TRIP13: variants seen among roughly 807,000 people sequenced by gnomAD.
TRIP13 encodes pachytene checkpoint protein 2 homolog.
A neutral mutation model predicts 54.4 loss-of-function variants in TRIP13; 25 were observed. That is an observed-to-expected ratio of 0.46 (90% CI 0.33 to 0.64). The LOEUF (loss-of-function observed/expected upper bound fraction) is 0.64. Among genes scored for constraint, TRIP13 ranks in the 30% least tolerant of loss-of-function variants. The pLI is 0.02. For synonymous variants in TRIP13, 207 were observed against 207.8 expected, an observed-to-expected ratio of 1.00 and a Z score of 0.03; for missense variants, 373 against 534.2, an observed-to-expected ratio of 0.70 and a Z score of 2.97.
At chr5:904,574 T>G (rs1754068103) in intron 6 of TRIP13, among the ~76,000 whole-genome samples, 1 of 152,210 alleles carries the variant, frequency 6.6e-6, no homozygotes, top group Non-Finnish European at 1.5e-5. Context: ...ACCTGGTCAT[T>G]GTTTCCTCAC....
chr5:909,347 G>A (rs1246636122), intron 9 of TRIP13, among the ~76,000 whole-genome samples: 1 of 152,196 alleles, frequency 6.6e-6, no homozygotes. Context: ...TCTGTGAAAT[G>A]TTCTTTCTGT....
chr5:903,800 G>A (rs1007899270), intron 5 of TRIP13, among the ~76,000 whole-genome samples: 5 of 152,182 alleles, frequency 3.3e-5, no homozygotes, highest in Non-Finnish European at 7.3e-5. Context: ...GAAGAGTGGG[G>A]ACAAGGACAG....
chr5:900,559 T>C lies in TRIP13; in HGVS notation c.444+10T>C, dbSNP rs1461082979. 2 of 1,610,700 alleles carry C rather than the reference T, an allele frequency of 1.2e-6. No individual in the cohort carries two copies. Among genetic ancestry groups the C allele is most frequent in the Non-Finnish European group, 1.7e-6 (2 of 1,179,230 alleles). ...GGAAGTCAAATCCCATGTAAGTTGC[T>C]GTGCCTTTTCCCAGAATGCCCTGTT... is the stretch of plus-strand genomic sequence containing the variant. On this transcript the variant is annotated intron_variant, in intron 4 of 12. Coordinates refer to ENST00000166345, the MANE Select transcript of TRIP13 (RefSeq NM_004237.4).
chr5:895,097 A>G, intron 2 of TRIP13, 145 bp downstream of exon 2: 1 of 812,482 alleles, frequency 1.2e-6, no homozygotes, highest in South Asian at 1.8e-5. Flanking sequence ...TCTTTTCACT[A>G]GCTGTCAGGA....
chr5:901,263 C>A, intron 4 of TRIP13, 78 bp from the exon 5 acceptor site: 1 of 1,356,620 alleles, frequency 7.4e-7, no homozygotes, highest in Non-Finnish European at 1.0e-6. Flanking sequence ...TAGGATTAAG[C>A]CCTGGGGGAG....
At chr5:894,097 G>A (rs1418651489) in intron 1 of TRIP13, among the ~76,000 whole-genome samples, 1 of 152,126 alleles carries the variant, frequency 6.6e-6, no homozygotes, top group Non-Finnish European at 1.5e-5. Context: ...GCTGCTTGTA[G>A]GGTGCTGGGA....
rs544591719 is a variant in TRIP13, at chr5:917,856, G to T, written c.*753G>T. ...AATAACGTTATCACATTTCTAATGA[G>T]GATTCACATTAATATAATATAAAAT... On this transcript the variant is annotated 3_prime_UTR_variant, in exon 13 of 13. Coordinates refer to ENST00000166345, the MANE Select transcript of TRIP13 (RefSeq NM_004237.4). 3.3e-5 allele frequency: 5 copies of T among 152,176 alleles called. No homozygotes were observed. The highest frequency in any genetic ancestry group is 4.1e-4 in the South Asian group (2 of 4,820). 9.4% of individuals were successfully genotyped at this position (152,176 alleles called of 1,614,324 possible).
At chr5:918,927 TCTC>T (rs1754382155), downstream of TRIP13, 1 of 152,156 alleles carries the variant, frequency 6.6e-6, no homozygotes, top group Non-Finnish European at 1.5e-5. This position sits in a 1 kb window ranked among gnomAD's most constrained non-coding sequence, Gnocchi z 4.3. Flanking sequence ...CAAATGTTAA[TCTC>T]CTTTGACAAC....
At position 912,018 on chromosome 5, in the gene TRIP13, T is replaced by C; in HGVS notation, c.1020+22T>C. 1 of 1,595,850 alleles carries C rather than the reference T, an allele frequency of 6.3e-7. No individual in the cohort carries two copies. The highest frequency in any genetic ancestry group is 2.2e-5 in the East Asian group (1 of 44,758). On this transcript the variant is annotated intron_variant, in intron 10 of 12. Coordinates refer to ENST00000166345, the MANE Select transcript of TRIP13 (RefSeq NM_004237.4). This position sits in a 1 kb window ranked among gnomAD's most constrained non-coding sequence, Gnocchi z 7.2. ...GAAGGTACCTTTATTTTTTTTTTCC[T>C]CTTGATACAAATGGATTTCTTATAT...
At chr5:906,192 G>A (rs1442671617) in intron 6 of TRIP13, among the ~76,000 whole-genome samples, 1 of 151,998 alleles carries the variant, frequency 6.6e-6, no homozygotes, top group Admixed American at 6.5e-5. Context: ...TGCCTCCAAA[G>A]AGTAACCAAA....
chr5:900,283 G>T (rs1320887424), intron 3 of TRIP13, among the ~76,000 whole-genome samples: 1 of 152,174 alleles, frequency 6.6e-6, no homozygotes, highest in East Asian at 1.9e-4. Flanking sequence ...GAAGTTACAT[G>T]TGACTGGCAT....
intron 12 of TRIP13, among the ~76,000 whole-genome samples, chr5:916,454 C>A (rs1437845892): frequency 1.3e-5 from 2 of 152,232 alleles, no homozygotes; most frequent in Non-Finnish European, 2.9e-5. Flanking sequence ...GATACACTTA[C>A]ATCTGAGAAG....
rs1754241727 is a variant in TRIP13 at position 911,931 on chromosome 5, A to G, written c.955A>G (p.Ile319Val). The G allele has an allele frequency of 2.5e-6, 4 of 1,613,746 alleles. No individual in the cohort carries two copies. The highest frequency in any genetic ancestry group is 2.2e-5 in the East Asian group (1 of 44,862). Reference protein sequence around the residue: ...FVDRADIKQYIGPPSAAAIFK... With the variant: ...FVDRADIKQYVGPPSAAAIFK... The stretch of plus-strand genomic sequence containing the variant: ...GGACAGGGCTGACATCAAGCAGTAC[A>G]TTGGGCCACCCTCTGCAGCAGCCAT... The change falls in exon 10 of 13, where the codon ATT (isoleucine) becomes GTT (valine). Residue 319 changes from isoleucine (I) to valine (V), a missense_variant. Physicochemically the swap from Ile to Val is conservative, Grantham distance 29. Around this residue, in one of 4 missense-constraint regions of TRIP13, gnomAD observed 101 missense variants for 138.5 expected, o/e 0.73. Coordinates refer to ENST00000166345, the MANE Select transcript of TRIP13 (RefSeq NM_004237.4). This position sits in a 1 kb window ranked among gnomAD's most constrained non-coding sequence, Gnocchi z 4.7.
rs911597686 is a variant in TRIP13 at position 912,499 on chromosome 5, G to T, written c.1020+503G>T. ...GTGGGCAGAGCGACGCGTGCGGGTTGTGTGTGTGAGTCAGGAAGGCCGTCG... is the reference window on the plus strand; with the variant it reads ...GTGGGCAGAGCGACGCGTGCGGGTTTTGTGTGTGAGTCAGGAAGGCCGTCG... On this transcript the variant is annotated intron_variant, in intron 10 of 12. Coordinates refer to ENST00000166345, the MANE Select transcript of TRIP13 (RefSeq NM_004237.4). This position sits in a 1 kb window ranked among gnomAD's most constrained non-coding sequence, Gnocchi z 7.2. 6.6e-6 allele frequency among the ~76,000 whole-genome samples: 1 copy of T among 151,974 alleles called. No homozygotes were observed. Among genetic ancestry groups the T allele is most frequent in the African/African-American group, 2.4e-5 (1 of 41,346 alleles).
At chr5:906,653 G>A (rs764218281) in intron 6 of TRIP13, among the ~76,000 whole-genome samples, 13 of 152,158 alleles carry the variant, frequency 8.5e-5, no homozygotes, top group Non-Finnish European at 1.8e-4. Flanking sequence ...GCGGGCTTCT[G>A]AATGGATAGA....
rs187201513 is a variant in TRIP13 at position 911,447 on chromosome 5, T to C, written c.867-396T>C. Reference sequence around the variant, plus strand: ...TTAGCCGGGCACGGTGGCGGGCGCCTGTAGTCCCGGCTACTTGGGAGGCTG... The same window carrying C: ...TTAGCCGGGCACGGTGGCGGGCGCCCGTAGTCCCGGCTACTTGGGAGGCTG... On this transcript the variant is annotated intron_variant, in intron 9 of 12. Transcript: ENST00000166345. The surrounding 1 kb of genome is among the most constrained non-coding windows in gnomAD (Gnocchi z 4.7). 0.02 allele frequency among the ~76,000 whole-genome samples: 2,996 copies of C among 152,150 alleles called. 42 individuals carry two copies. The highest frequency in any genetic ancestry group is 0.032 in the Non-Finnish European group (2,191 of 67,992).
At chr5:909,084 T>A (rs2150688850) in intron 9 of TRIP13, among the ~76,000 whole-genome samples, 1 of 152,356 alleles carries the variant, frequency 6.6e-6, no homozygotes, top group Admixed American at 6.5e-5. Context: ...CCACCCACTG[T>A]CAGCACCAAC....
chr5:901,227 C>T (rs1457175345), intron 4 of TRIP13, 114 bp from the exon 5 acceptor site: 9 of 855,320 alleles, frequency 1.1e-5, no homozygotes, highest in Admixed American at 2.7e-5. Flanking sequence ...GAGGCGGCCT[C>T]GCTCCCTGTG....
intron 6 of TRIP13, 138 bp downstream of exon 6, chr5:904,358 A>G: frequency 5.8e-6 from 4 of 687,844 alleles, no homozygotes; most frequent in Non-Finnish European, 9.4e-6. Flanking sequence ...CTCTGTATTC[A>G]GCATAGTTTT....
Sources: allele counts gnomAD v4.1 joint callset (sites outside exome capture counted in the v4.1 genomes callset), GRCh38; gene constraint gnomAD v4.1.1; regional missense constraint gnomAD v4.1.1; non-coding constraint Gnocchi (gnomAD v3.1); transcripts MANE v1.5; gene names NCBI Gene and HGNC (gene_info 2026-07-23, HGNC 2026-07-21).